The following PTPRN2 variants were observed in gnomAD, a reference collection of about 807,000 sequenced individuals.
PTPRN2 encodes the protein receptor-type tyrosine-protein phosphatase N2.
PTPRN2 carries 74 observed loss-of-function variants against 118.8 expected under a neutral mutation model. The ratio of observed to expected loss-of-function variants is 0.62; its 90% CI spans 0.52 to 0.76. PTPRN2 has a LOEUF of 0.76. PTPRN2 is among the 30% of genes least tolerant of loss of function. The pLI, the probability that PTPRN2 is intolerant of heterozygous loss-of-function variation, is 0.00. For synonymous variants in PTPRN2, 641 were observed against 608.0 expected (o/e 1.05, Z -0.80); for missense variants, 1,481 against 1,394.4 (o/e 1.06, Z -0.99).
chr7:158,153,188 C>T (rs895789200), intron 6 of PTPRN2, among the ~76,000 whole-genome samples: 2 of 152,192 alleles, frequency 1.3e-5, no homozygotes, highest in African/African-American at 4.8e-5. Context: ...CATTCGGACT[C>T]CAGGGGAAAA....
intron 12 of PTPRN2, among the ~76,000 whole-genome samples, chr7:157,723,156 C>T (rs2150919528): frequency 6.6e-6 from 1 of 152,350 alleles, no homozygotes; most frequent in South Asian, 2.1e-4. Flanking sequence ...CTGAGAAAGC[C>T]AGCATCTGAG....
chr7:158,457,462 G>A (rs145456575), intron 2 of PTPRN2, among the ~76,000 whole-genome samples: 4 of 151,886 alleles, frequency 2.6e-5, no homozygotes, highest in South Asian at 2.1e-4. Context: ...CAGCGGATGC[G>A]CGGCCCCAGT....
chr7:158,103,893 T>C (rs910488590), intron 10 of PTPRN2, among the ~76,000 whole-genome samples: 10 of 152,032 alleles, frequency 6.6e-5, no homozygotes, highest in African/African-American at 2.2e-4. Context: ...GATGGAGTCT[T>C]GCTCTGTTGC....
chr7:157,766,217 A>ACCCC, intron 12 of PTPRN2, among the ~76,000 whole-genome samples: 1 of 138,416 alleles, frequency 7.2e-6, no homozygotes, highest in African/African-American at 2.8e-5. Flanking sequence ...CCATCCACCC[A>ACCCC]CACACCCATC....
chr7:157,543,557 G>C (rs1798115614), intron 22 of PTPRN2, among the ~76,000 whole-genome samples: 2 of 152,260 alleles, frequency 1.3e-5, no homozygotes, highest in Admixed American at 1.3e-4. Flanking sequence ...CCCGCTGCTG[G>C]GGTAAGGGTC....
At chr7:158,169,471 G>T (rs979117471) in intron 5 of PTPRN2, among the ~76,000 whole-genome samples, 4 of 148,196 alleles carry the variant, frequency 2.7e-5, no homozygotes, top group African/African-American at 1.0e-4. Flanking sequence ...AGTAGAAATG[G>T]GGTTTTACTA....
At chr7:157,963,966 T>C (rs962002363) in intron 11 of PTPRN2, among the ~76,000 whole-genome samples, 16 of 152,180 alleles carry the variant, frequency 1.1e-4, no homozygotes, top group African/African-American at 3.9e-4. Context: ...GATTTATAGG[T>C]ATGAGCCACT....
chr7:157,916,610 G>A (rs920678246), intron 11 of PTPRN2, among the ~76,000 whole-genome samples: 2 of 152,246 alleles, frequency 1.3e-5, no homozygotes, highest in Admixed American at 6.5e-5. Flanking sequence ...TGCAGAGCAC[G>A]CAGCTCCTTG....
chr7:157,606,180 C>A (rs2150586717), intron 15 of PTPRN2, among the ~76,000 whole-genome samples: 1 of 152,352 alleles, frequency 6.6e-6, no homozygotes, highest in Non-Finnish European at 1.5e-5. Context: ...CCGGGCTCAG[C>A]CCTGACTTTG....
chr7:157,813,051 G>A lies in PTPRN2; in HGVS notation c.1788+85622C>T, dbSNP rs1481147949. ...AGAGATGACTCGGTGACAAACAGGA[G>A]GACGGTGCTCAAATGACTGTGACAC... On this transcript the variant is annotated intron_variant, in intron 12 of 22. Transcript: ENST00000389418. The surrounding 1 kb of genome is among the most constrained non-coding windows in gnomAD (Gnocchi z 4.7). Among the ~76,000 whole-genome samples, 1 of 152,142 alleles carries A rather than the reference G, an allele frequency of 6.6e-6. No individual in the cohort carries two copies. The highest frequency in any genetic ancestry group is 2.4e-5 in the African/African-American group (1 of 41,404).
chr7:157,567,686 G>A (rs576632048), intron 21 of PTPRN2, among the ~76,000 whole-genome samples: 6 of 152,242 alleles, frequency 3.9e-5, no homozygotes, highest in African/African-American at 1.4e-4. Flanking sequence ...TACGGAAGGC[G>A]GAGGTCTCTG....
chr7:157,552,794 T>C (rs374463567), intron 21 of PTPRN2, among the ~76,000 whole-genome samples: 1 of 152,318 alleles, frequency 6.6e-6, no homozygotes, highest in East Asian at 1.9e-4. Context: ...GAGGTGTGGG[T>C]TTCCGCTCCG....
At chr7:157,698,546 C>A (rs1359536636) in intron 12 of PTPRN2, among the ~76,000 whole-genome samples, 1 of 152,122 alleles carries the variant, frequency 6.6e-6, no homozygotes, top group Non-Finnish European at 1.5e-5. Flanking sequence ...CTTTTCTTCC[C>A]CAAACTTCAA....
intron 11 of PTPRN2, among the ~76,000 whole-genome samples, chr7:157,963,132 A>G (rs2128810561): frequency 6.6e-6 from 1 of 152,382 alleles, no homozygotes; most frequent in African/African-American, 2.4e-5. Context: ...TCTGACAGCC[A>G]CGGTGCAAGT....
intron 12 of PTPRN2, among the ~76,000 whole-genome samples, chr7:157,747,654 C>T (rs1208292536): frequency 7.7e-6 from 1 of 130,184 alleles, no homozygotes; most frequent in Non-Finnish European, 1.6e-5. Context: ...GATTCTGAGG[C>T]CTGCGTCCCT....
chr7:157,843,198 G>A (rs1406564999), intron 12 of PTPRN2, among the ~76,000 whole-genome samples: 1 of 152,228 alleles, frequency 6.6e-6, no homozygotes, highest in Non-Finnish European at 1.5e-5. Flanking sequence ...CCTGCTAGGT[G>A]AGAAATTACA....
intron 1 of PTPRN2, among the ~76,000 whole-genome samples, chr7:158,501,124 G>T (rs2129446346): frequency 6.6e-6 from 1 of 152,264 alleles, no homozygotes; most frequent in East Asian, 1.9e-4. Context: ...TTTTCATTAT[G>T]TTAAAGCTTT....
At chr7:158,071,031 CT>C (rs1394236513) in intron 11 of PTPRN2, among the ~76,000 whole-genome samples, 14 of 49,028 alleles carry the variant, frequency 2.9e-4, no homozygotes, top group African/African-American at 1.4e-3. Flanking sequence ...GGTGGAGGTG[CT>C]CTTAGTATGG....
chr7:158,504,569 G>T (rs1018515286), intron 1 of PTPRN2, among the ~76,000 whole-genome samples: 1 of 152,174 alleles, frequency 6.6e-6, no homozygotes, highest in Non-Finnish European at 1.5e-5. Context: ...TGGTGTGTAC[G>T]TATGTACCAC....
Sources: allele counts gnomAD v4.1 joint callset (sites outside exome capture counted in the v4.1 genomes callset), GRCh38; gene constraint gnomAD v4.1.1; non-coding constraint Gnocchi (gnomAD v3.1); transcripts MANE v1.5; gene names NCBI Gene and HGNC (gene_info 2026-07-23, HGNC 2026-07-21).